The following ABRACL variants were observed in gnomAD, a reference collection of about 807,000 sequenced individuals.
The protein encoded by ABRACL is ABRA C-terminal like, also known as costars family protein ABRACL.
In ABRACL, 4 loss-of-function variants were observed where a neutral mutation model predicts 7.0. That is an observed-to-expected ratio of 0.57 (90% confidence interval 0.28 to 1.30). ABRACL has a LOEUF of 1.30. Ranked by LOEUF, ABRACL falls within the 50% of genes most tolerant of loss-of-function variation. The pLI is 0.10. For missense variants in ABRACL, 104 were observed against 97.3 expected (o/e 1.07, Z -0.29); for synonymous variants, 30 against 36.0 (o/e 0.83, Z 0.60).
At chr6:139,030,863 T>G (rs1786071808) in intron 1 of ABRACL, among the ~76,000 whole-genome samples, 1 of 152,240 alleles carries the variant, frequency 6.6e-6, no homozygotes, top group Non-Finnish European at 1.5e-5. Context: ...TGCAAGGTTC[T>G]TAGAACTACA....
intron 1 of ABRACL, among the ~76,000 whole-genome samples, chr6:139,033,840 A>C (rs1786115243): frequency 6.6e-6 from 1 of 152,182 alleles, no homozygotes; most frequent in Non-Finnish European, 1.5e-5. Flanking sequence ...GATACCATGA[A>C]GAGGACCTAC....
intron 2 of ABRACL, among the ~76,000 whole-genome samples, chr6:139,040,160 GTTTCTTCCACATTT>G (rs1786223860): frequency 6.6e-6 from 1 of 152,152 alleles, no homozygotes; most frequent in East Asian, 1.9e-4. Flanking sequence ...ATCTCATAAA[GTTTCTTCCACATTT>G]TTTCTTCCAC....
At chr6:139,042,674 T>C in intron 2 of ABRACL, 45 bp from the exon 3 acceptor site, 1 of 1,557,044 alleles carries the variant, frequency 6.4e-7, no homozygotes, top group Non-Finnish European at 8.8e-7. Context: ...CTTGAGGGTA[T>C]GAAACAGACT....
chr6:139,030,432 G>A (rs958223436), intron 1 of ABRACL, among the ~76,000 whole-genome samples: 2 of 152,042 alleles, frequency 1.3e-5, no homozygotes, highest in African/African-American at 4.8e-5. Context: ...CCCCTTCATT[G>A]TTCTTCATCT....
chr6:139,039,956 G>A (rs1431634535), intron 2 of ABRACL, among the ~76,000 whole-genome samples: 1 of 151,996 alleles, frequency 6.6e-6, no homozygotes, highest in Non-Finnish European at 1.5e-5. Context: ...GTTTGGTGGT[G>A]CACGCCTGTA....
At chr6:139,030,405 C>T (rs1438453241) in intron 1 of ABRACL, among the ~76,000 whole-genome samples, 2 of 152,190 alleles carry the variant, frequency 1.3e-5, no homozygotes, top group African/African-American at 4.8e-5. Context: ...ACCCATCAAC[C>T]TCTCTTCACC....
intron 2 of ABRACL, among the ~76,000 whole-genome samples, chr6:139,037,124 A>G (rs927536811): frequency 2.6e-5 from 4 of 152,186 alleles, no homozygotes; most frequent in Admixed American, 2.6e-4. Flanking sequence ...GGGGCACTCA[A>G]TGAAGTCTTG....
intron 1 of ABRACL, among the ~76,000 whole-genome samples, chr6:139,030,240 G>A (rs1786059941): frequency 6.6e-6 from 1 of 151,872 alleles, no homozygotes; most frequent in Admixed American, 6.6e-5. Flanking sequence ...AGGGTAATTG[G>A]TATATCCATC....
Position 139,042,682 on chromosome 6 carries a change from A to G in ABRACL, c.62-37A>G, listed in dbSNP as rs1786270045. 2.5e-6 allele frequency: 4 copies of G among 1,581,032 alleles called. No homozygotes were observed. The African/African-American group carries it at 5.4e-5, about 21-fold the overall frequency. The stretch of plus-strand genomic sequence containing the variant: ...TTCCATACTTGAGGGTATGAAACAG[A>G]CTTTGCATTTGCTAACAATGTATTT... On this transcript the variant is annotated intron_variant, in intron 2 of 2. Transcript: ENST00000367660.
chr6:139,039,039 C>T (rs545896928), intron 2 of ABRACL, among the ~76,000 whole-genome samples: 4 of 152,258 alleles, frequency 2.6e-5, no homozygotes, highest in East Asian at 3.9e-4. Flanking sequence ...GCTTGGCCAA[C>T]ATGGTGAAAC....
At chr6:139,038,792 C>T (rs981480438) in intron 2 of ABRACL, among the ~76,000 whole-genome samples, 3 of 152,218 alleles carry the variant, frequency 2.0e-5, no homozygotes, top group Non-Finnish European at 2.9e-5. Flanking sequence ...AAGTCGGACT[C>T]TCTGGAAATG....
intron 2 of ABRACL, among the ~76,000 whole-genome samples, chr6:139,037,535 A>G (rs1786179865): frequency 1.3e-5 from 2 of 151,872 alleles, no homozygotes; most frequent in African/African-American, 4.8e-5. Context: ...TGTCGGGATT[A>G]CAGGCGTGAG....
At position 139,032,246 on chromosome 6, in the gene ABRACL, G is replaced by T. The variant is rs1054938718; in HGVS notation, c.-6-1909G>T. Reference sequence around the variant, plus strand: ...CCCAAAGTGCTGGGATTACAGGCGCGAGCCACCGCGCCCGGGCTTTCCTAC... The same window carrying T: ...CCCAAAGTGCTGGGATTACAGGCGCTAGCCACCGCGCCCGGGCTTTCCTAC... On this transcript the variant is annotated intron_variant, in intron 1 of 2. Coordinates refer to ENST00000367660, the MANE Select transcript of ABRACL (RefSeq NM_021243.3). Among the ~76,000 whole-genome samples, 6 of 152,190 alleles carry T rather than the reference G, an allele frequency of 3.9e-5. No homozygotes were observed. The East Asian group carries it at 7.7e-4, about 20-fold the overall frequency.
intron 1 of ABRACL, among the ~76,000 whole-genome samples, 189 bp from the exon 2 acceptor site, chr6:139,033,966 G>A (rs1266991819): frequency 6.6e-6 from 1 of 152,122 alleles, no homozygotes; most frequent in Non-Finnish European, 1.5e-5. Flanking sequence ...CTGAGGGGGC[G>A]GTTACAAAGG....
At chr6:139,033,378 A>T (rs551169846) in intron 1 of ABRACL, among the ~76,000 whole-genome samples, 1 of 152,246 alleles carries the variant, frequency 6.6e-6, no homozygotes, top group Non-Finnish European at 1.5e-5. Flanking sequence ...TTTACTGGGC[A>T]CTGCCCAGAG....
intron 2 of ABRACL, among the ~76,000 whole-genome samples, chr6:139,034,868 A>G (rs1297317277): frequency 2.0e-5 from 3 of 152,170 alleles, no homozygotes; most frequent in African/African-American, 7.2e-5. Context: ...CTTCTTCCTA[A>G]GTCGTAATGA....
At chr6:139,034,460 G>A (rs1005316645) in intron 2 of ABRACL, 7 of 1,440,182 alleles carry the variant, frequency 4.9e-6, no homozygotes, top group East Asian at 5.0e-5. Context: ...ATTATTTTTC[G>A]ATAGAAAGCA....
chr6:139,035,398 T>C (rs1295863054), intron 2 of ABRACL, among the ~76,000 whole-genome samples: 1 of 152,200 alleles, frequency 6.6e-6, no homozygotes, highest in Non-Finnish European at 1.5e-5. Flanking sequence ...GAAGTTGCCT[T>C]GGCTCATGAC....
At position 139,034,145 on chromosome 6, in the gene ABRACL, T is replaced by A; in HGVS notation, c.-6-10T>A. On this transcript the variant is annotated splice_polypyrimidine_tract_variant and intron_variant, in intron 1 of 2. Coordinates refer to ENST00000367660, the MANE Select transcript of ABRACL (RefSeq NM_021243.3). ...GGTGATAATTTAGACTTCCTTTTTT[T>A]CTCTCCCAGGCAGCAATGAATGTGG... The A allele has an allele frequency of 1.2e-6, 2 of 1,614,190 alleles. No homozygotes were observed. Among genetic ancestry groups the A allele is most frequent in the Non-Finnish European group, 1.7e-6 (2 of 1,180,048 alleles).
Sources: gnomAD v4.1 joint callset for allele counts (sites outside exome capture counted in the v4.1 genomes callset) on GRCh38, gnomAD v4.1.1 for gene constraint, MANE v1.5 for transcripts, NCBI Gene and HGNC (gene_info 2026-07-23, HGNC 2026-07-21) for gene names.